The following CTIF variants were observed in gnomAD, a reference collection of about 807,000 sequenced individuals.
The protein encoded by CTIF is CBP80/20-dependent translation initiation factor.
A neutral mutation model predicts 66.0 loss-of-function variants in CTIF; 21 were observed. The ratio of observed to expected loss-of-function variants is 0.32; its 90% CI spans 0.23 to 0.46. The LOEUF (loss-of-function observed/expected upper bound fraction) is 0.46, where lower values mean the gene tolerates loss of function less well. CTIF is among the 20% of genes least tolerant of loss of function. CTIF has a pLI of 1.00. For missense variants in CTIF, 739 were observed against 812.7 expected, an observed-to-expected ratio of 0.91 and a Z score of 1.10; for synonymous variants, 345 against 326.4, an observed-to-expected ratio of 1.06 and a Z score of -0.62.
At chr18:48,853,176 T>A (rs1034714591) in intron 10 of CTIF, among the ~76,000 whole-genome samples, 2 of 152,148 alleles carry the variant, frequency 1.3e-5, no homozygotes, top group African/African-American at 4.8e-5. Context: ...TGGACCGACA[T>A]CGCCCTACCC....
chr18:48,856,031 C>G (rs1489575553), intron 10 of CTIF, among the ~76,000 whole-genome samples: 2 of 152,176 alleles, frequency 1.3e-5, no homozygotes, highest in South Asian at 4.1e-4. Context: ...TTGAGAAGAG[C>G]AGAAGCTTGA....
chr18:48,648,487 A>ACACACACACG (rs1297615536), intron 3 of CTIF, among the ~76,000 whole-genome samples: 1 of 149,854 alleles, frequency 6.7e-6, no homozygotes, highest in Admixed American at 6.7e-5. Flanking sequence ...ACACACACAC[A>ACACACACACG]CGCACACACA....
intron 6 of CTIF, among the ~76,000 whole-genome samples, chr18:48,707,356 T>A (rs550015638): frequency 6.2e-4 from 95 of 152,338 alleles, no homozygotes; most frequent in Non-Finnish European, 1.1e-3. Flanking sequence ...AACTTATACT[T>A]TTTCCAGATT....
chr18:48,715,373 G>A (rs1319824610), intron 7 of CTIF, among the ~76,000 whole-genome samples: 2 of 152,172 alleles, frequency 1.3e-5, no homozygotes, highest in Non-Finnish European at 2.9e-5. Flanking sequence ...GCTGATTTCA[G>A]ACAAAATTAT....
At chr18:48,688,818 T>A (rs1216664852) in intron 6 of CTIF, among the ~76,000 whole-genome samples, 1 of 152,226 alleles carries the variant, frequency 6.6e-6, no homozygotes, top group Non-Finnish European at 1.5e-5. Context: ...GTAGGTGTCT[T>A]TGAAAAGGCT....
chr18:48,765,784 C>T (rs1264971697), intron 9 of CTIF, among the ~76,000 whole-genome samples: 1 of 152,194 alleles, frequency 6.6e-6, no homozygotes, highest in African/African-American at 2.4e-5. Context: ...AGGACCCCGT[C>T]ACCAATCCCA....
chr18:48,577,046 TACTG>T (rs1439997022), intron 1 of CTIF, among the ~76,000 whole-genome samples: 1 of 152,230 alleles, frequency 6.6e-6, no homozygotes, highest in African/African-American at 2.4e-5. Flanking sequence ...CAGGGTGTGA[TACTG>T]ACTGAGTTTC....
chr18:48,827,474 C>T (rs940095943), intron 10 of CTIF, among the ~76,000 whole-genome samples: 4 of 152,166 alleles, frequency 2.6e-5, no homozygotes, highest in Admixed American at 6.5e-5. Context: ...CAAAGGGCAT[C>T]CCGGCAGAGA....
At chr18:48,561,550 G>T (rs2089164421) in intron 1 of CTIF, among the ~76,000 whole-genome samples, 1 of 152,166 alleles carries the variant, frequency 6.6e-6, no homozygotes, top group Non-Finnish European at 1.5e-5. Flanking sequence ...TGTGCTGGCT[G>T]CTGGGGGCTG....
In CTIF at chr18:48,670,757, G is replaced by A. The variant is rs376167919; in HGVS notation, c.507+13G>A. The A allele has an allele frequency of 1.2e-5, 20 of 1,612,026 alleles. No homozygotes were observed. Among genetic ancestry groups the A allele is most frequent in the Non-Finnish European group, 1.7e-5 (20 of 1,178,398 alleles). ...TCCAGCCTGGCAGGTAGGTGCAGGG[G>A]CAGGCTCTCTAACAGCCCACCCCCA... On this transcript the variant is annotated intron_variant, in intron 6 of 11. Coordinates refer to ENST00000256413, the MANE Select transcript of CTIF (RefSeq NM_014772.3).
At chr18:48,856,727 G>T (rs879496670) in intron 10 of CTIF, among the ~76,000 whole-genome samples, 1 of 152,176 alleles carries the variant, frequency 6.6e-6, no homozygotes, top group Non-Finnish European at 1.5e-5. Context: ...ACATAGAATC[G>T]GGGGGAGTTG....
chr18:48,724,365 T>G (rs1372152930), intron 7 of CTIF, among the ~76,000 whole-genome samples: 1 of 152,078 alleles, frequency 6.6e-6, no homozygotes, highest in Non-Finnish European at 1.5e-5. Flanking sequence ...CTCAGCTCTG[T>G]CCCCACCTAC....
At chr18:48,799,310 T>C (rs1328593881) in intron 9 of CTIF, among the ~76,000 whole-genome samples, 1 of 152,180 alleles carries the variant, frequency 6.6e-6, no homozygotes, top group Admixed American at 6.5e-5. Context: ...ATCAGCCCTA[T>C]TTTGTGGATG....
intron 7 of CTIF, among the ~76,000 whole-genome samples, chr18:48,717,657 CAATT>C (rs763248374): frequency 8.0e-4 from 122 of 151,974 alleles, no homozygotes; most frequent in Non-Finnish European, 1.5e-3. Context: ...AATTATATCT[CAATT>C]AAAAAAAATT....
chr18:48,785,707 T>C (rs1459228631), intron 9 of CTIF, among the ~76,000 whole-genome samples: 2 of 152,154 alleles, frequency 1.3e-5, no homozygotes, highest in Non-Finnish European at 2.9e-5. Context: ...AGCTCTGACC[T>C]CCGTGCCTTT....
intron 10 of CTIF, among the ~76,000 whole-genome samples, chr18:48,837,860 G>T (rs2068847985): frequency 6.6e-6 from 1 of 152,086 alleles, no homozygotes; most frequent in Non-Finnish European, 1.5e-5. Context: ...ACCTGTCCCA[G>T]CAGCCCTGGG....
chr18:48,557,895 G>C (rs963531287), intron 1 of CTIF, among the ~76,000 whole-genome samples: 2 of 152,304 alleles, frequency 1.3e-5, no homozygotes, highest in East Asian at 1.9e-4. Flanking sequence ...ATCCTAATCA[G>C]ACCCCACCCT....
intron 9 of CTIF, among the ~76,000 whole-genome samples, chr18:48,791,905 C>T (rs919369167): frequency 1.3e-5 from 2 of 152,152 alleles, no homozygotes; most frequent in Admixed American, 6.5e-5. Context: ...TCTAACCAAA[C>T]TTTAGGCAAC....
chr18:48,575,607 A>T (rs1340947608), intron 1 of CTIF, among the ~76,000 whole-genome samples: 1 of 152,142 alleles, frequency 6.6e-6, no homozygotes, highest in Non-Finnish European at 1.5e-5. Context: ...ATGCACCCCC[A>T]TTGAGAGGCT....
Sources: gnomAD v4.1 joint callset for allele counts (sites outside exome capture counted in the v4.1 genomes callset) on GRCh38, gnomAD v4.1.1 for gene constraint, MANE v1.5 for transcripts, NCBI Gene and HGNC (gene_info 2026-07-23, HGNC 2026-07-21) for gene names.